The following SERHL2 variants were observed in gnomAD, a reference collection of about 807,000 sequenced individuals.
SERHL2 encodes serine hydrolase-like protein 2.
In SERHL2, 29 loss-of-function variants were observed where a neutral mutation model predicts 25.5. The ratio of observed to expected loss-of-function variants is 1.14; its 90% CI spans 0.85 to 1.55. The LOEUF is 1.55. Among genes scored for constraint, SERHL2 ranks in the 40% most tolerant of loss-of-function variants. The pLI is 0.00. For missense variants in SERHL2, 240 were observed against 252.3 expected (o/e 0.95, Z 0.33); for synonymous variants, 95 against 103.5 (o/e 0.92, Z 0.50).
At chr22:42,559,228 T>TAAAAAAAAAAAAAA in intron 7 of SERHL2, among the ~76,000 whole-genome samples, 1 of 61,898 alleles carries the variant, frequency 1.6e-5, no homozygotes, top group South Asian at 4.9e-4. Context: ...GACCCTGTAT[T>TAAAAAAAAAAAAAA]TAAAAAAAAA....
rs2146752480 is a variant in SERHL2 at position 42,571,006 on chromosome 22, G to A, written c.649-115G>A. ...GTGGGGTCCTGGGCTCAGACCCAGGGTGGGTGGCTAAGGTGCCCTCGCCAG... is the reference window on the plus strand; with the variant it reads ...GTGGGGTCCTGGGCTCAGACCCAGGATGGGTGGCTAAGGTGCCCTCGCCAG... On this transcript the variant is annotated intron_variant, in intron 9 of 11. Transcript: ENST00000327678. The A allele has an allele frequency of 2.7e-6, 4 of 1,499,502 alleles. No homozygotes were observed. The East Asian group carries it at 9.6e-5, about 36-fold the overall frequency. The allele number at this position is 1,499,502 out of a possible 1,614,324, so 92.9% of individuals were successfully genotyped here. A position where few individuals can be genotyped will look rare whatever the true frequency, so the allele number is the denominator to read the frequency against.
chr22:42,570,169 C>T (rs1450119018), intron 9 of SERHL2, among the ~76,000 whole-genome samples: 1 of 151,950 alleles, frequency 6.6e-6, no homozygotes, highest in Non-Finnish European at 1.5e-5. Context: ...CACCTGTAAT[C>T]CCAGAACTTT....
chr22:42,561,903 G>C (rs900085732), intron 8 of SERHL2, among the ~76,000 whole-genome samples: 1 of 151,748 alleles, frequency 6.6e-6, no homozygotes, highest in African/African-American at 2.4e-5. Context: ...GGCTGACCTA[G>C]GGAGCCCCAG....
At chr22:42,562,000 G>A (rs928311846) in intron 8 of SERHL2, among the ~76,000 whole-genome samples, 2 of 151,760 alleles carry the variant, frequency 1.3e-5, no homozygotes, top group African/African-American at 4.8e-5. Flanking sequence ...ATGCTGACCA[G>A]GCACCCCTAT....
In SERHL2 at chr22:42,568,177, C is replaced by T. The variant is rs2899358; in HGVS notation, c.648+1839C>T. On this transcript the variant is annotated intron_variant, in intron 9 of 11. Coordinates refer to ENST00000327678, the MANE Select transcript of SERHL2 (RefSeq NM_014509.5). ...TGGCTAGGACTACAGGTGTGCGCTA[C>T]CACACCCAGCTAAATTTTTTACTTT... Among the ~76,000 whole-genome samples, 396 of 144,488 alleles carry T rather than the reference C, an allele frequency of 2.7e-3. 2 individuals are homozygous for T. Among genetic ancestry groups the T allele is most frequent in the Admixed American group, 4.6e-3 (65 of 14,126 alleles). The allele number at this position is 144,488 out of a possible 152,430, so 94.8% of individuals were successfully genotyped here.
intron 8 of SERHL2, among the ~76,000 whole-genome samples, chr22:42,563,165 C>G (rs545348814): frequency 6.6e-6 from 1 of 151,108 alleles, no homozygotes; most frequent in Admixed American, 6.6e-5. Context: ...TGCACTCTAG[C>G]AAGACCCTGG....
At chr22:42,562,844 G>T (rs2146696098) in intron 8 of SERHL2, among the ~76,000 whole-genome samples, 1 of 152,118 alleles carries the variant, frequency 6.6e-6, no homozygotes, top group Middle Eastern at 3.4e-3. Context: ...TTCCCATGAA[G>T]GAGGGAGGGG....
At chr22:42,564,688 C>T (rs187366863) in intron 8 of SERHL2, among the ~76,000 whole-genome samples, 1 of 151,956 alleles carries the variant, frequency 6.6e-6, no homozygotes, top group Non-Finnish European at 1.5e-5. Flanking sequence ...GTCTTGGCCT[C>T]CCAAAGTATT....
chr22:42,571,861 AAG>A, intron 10 of SERHL2: 1 of 149,104 alleles, frequency 6.7e-6, no homozygotes, highest in Admixed American at 6.7e-5. Context: ...ATTCACGTTC[AAG>A]TCAAGTCCAA....
intron 11 of SERHL2, chr22:42,572,871 T>C (rs529471309): frequency 1.9e-4 from 61 of 316,152 alleles, no homozygotes; most frequent in African/African-American, 1.3e-3. Flanking sequence ...GGTTTCACCA[T>C]GTTGGCCAGG....
At chr22:42,564,546 C>T (rs1278187503) in intron 8 of SERHL2, among the ~76,000 whole-genome samples, 2 of 151,438 alleles carry the variant, frequency 1.3e-5, no homozygotes, top group Admixed American at 6.6e-5. Context: ...ATTCTCCTGC[C>T]TCAGTCTGCC....
intron 8 of SERHL2, among the ~76,000 whole-genome samples, chr22:42,560,823 C>T (rs1238378006): frequency 6.6e-6 from 1 of 151,994 alleles, no homozygotes; most frequent in Non-Finnish European, 1.5e-5. Context: ...GCAGCCTCCA[C>T]CTCCCGGGCT....
At chr22:42,567,299 G>A (rs1224611373) in intron 9 of SERHL2, among the ~76,000 whole-genome samples, 1 of 151,794 alleles carries the variant, frequency 6.6e-6, no homozygotes, top group Non-Finnish European at 1.5e-5. Flanking sequence ...GATCCGTGTG[G>A]GATTTGTTCT....
At chr22:42,560,050 G>A in intron 7 of SERHL2, 136 bp from the exon 8 acceptor site, 1 of 662,178 alleles carries the variant, frequency 1.5e-6, no homozygotes, top group Non-Finnish European at 2.7e-6. Context: ...GACCTCAGAT[G>A]ATCCGCCCAT....
intron 9 of SERHL2, chr22:42,568,991 C>G (rs1194424678): frequency 1.3e-5 from 2 of 151,712 alleles, no homozygotes; most frequent in African/African-American, 4.8e-5. Context: ...AAGGGATTGT[C>G]CTGCCTCAAC....
intron 9 of SERHL2, among the ~76,000 whole-genome samples, chr22:42,568,275 A>T (rs1020845792): frequency 6.6e-6 from 1 of 150,862 alleles, no homozygotes; most frequent in African/African-American, 2.4e-5. Flanking sequence ...CTCCCGCCTC[A>T]GTTTCCCAAA....
chr22:42,563,630 A>C (rs1332690798), intron 8 of SERHL2: 1 of 174,498 alleles, frequency 5.7e-6, no homozygotes, highest in Non-Finnish European at 1.3e-5. Flanking sequence ...TAACTTGTGC[A>C]GTTTAATCAA....
At chr22:42,571,300 G>A (rs1376456067) in intron 10 of SERHL2, 97 bp downstream of exon 10, 5 of 1,578,384 alleles carry the variant, frequency 3.2e-6, no homozygotes, top group Middle Eastern at 1.7e-4. Context: ...CAAGTTCTCT[G>A]CGTGTCGACC....
At chr22:42,554,194 C>T (rs1921947083) in intron 1 of SERHL2, 152 bp downstream of exon 1, 4 of 973,060 alleles carry the variant, frequency 4.1e-6, no homozygotes, top group African/African-American at 1.6e-5. Context: ...CATGAGAGCG[C>T]GACCGGCCAG....
Sources: gnomAD v4.1 joint callset for allele counts (sites outside exome capture counted in the v4.1 genomes callset) on GRCh38, gnomAD v4.1.1 for gene constraint, MANE v1.5 for transcripts, NCBI Gene and HGNC (gene_info 2026-07-23, HGNC 2026-07-21) for gene names.